Variants in YIPF6 observed in about 807,000 individuals in gnomAD.
The protein encoded by YIPF6 is Yip1 domain family member 6, also known as protein YIPF6.
A neutral mutation model predicts 16.8 loss-of-function variants in YIPF6; 3 were observed. The ratio of observed to expected loss-of-function variants is 0.18; its 90% CI spans 0.08 to 0.46. YIPF6 has a LOEUF of 0.46. Among genes scored for constraint, YIPF6 ranks in the 20% least tolerant of loss-of-function variants. The probability of loss-of-function intolerance (pLI) is 0.98; values close to 1 mark genes in which losing one functional copy is unlikely to be tolerated. For synonymous variants in YIPF6, 67 were observed against 61.9 expected (o/e 1.08, Z -0.38); for missense variants, 145 against 184.9 (o/e 0.78, Z 1.25).
At position 68,510,885 on chromosome X, in the gene YIPF6, G is replaced by A. The variant is rs1602455514; in HGVS notation, c.58-964G>A. The A allele has an allele frequency of 2.7e-5, 3 of 112,454 alleles. 1 individual carries two copies. 9.3% of individuals were successfully genotyped at this position (112,454 alleles called of 1,213,427 possible). A position where few individuals can be genotyped will look rare whatever the true frequency, so the allele number is the denominator to read the frequency against. ...CGACCTCAGGTGATCTGCCCGCCTC[G>A]GCCTCCCAAAGTGCTGGGATTACGG... is the stretch of plus-strand genomic sequence containing the variant. On this transcript the variant is annotated intron_variant, in intron 1 of 6. Transcript: ENST00000462683.
At chrX:68,529,328 C>G (rs1358069025) in intron 6 of YIPF6, among the ~76,000 whole-genome samples, 1 of 109,985 alleles carries the variant, frequency 9.1e-6, no homozygotes, top group Non-Finnish European at 1.9e-5. Flanking sequence ...TGAGCTCCGT[C>G]AGGTCATTTA....
chrX:68,506,996 G>C (rs1265313444), intron 1 of YIPF6, among the ~76,000 whole-genome samples: 3 of 111,386 alleles, frequency 2.7e-5, no homozygotes, highest in African/African-American at 6.5e-5. Flanking sequence ...TATATCTCAG[G>C]GTTCAAATTT....
chrX:68,520,095 G>T lies in YIPF6; in HGVS notation c.309-1277G>T, dbSNP rs1475702088. On this transcript the variant is annotated intron_variant, in intron 4 of 6. Transcript: ENST00000462683. ...CCATGCTGAAGCAACAGGGATTCCA[G>T]ACAACAAGTGATGAGTGCTGGCCAT... Among the ~76,000 whole-genome samples the T allele has an allele frequency of 2.7e-5, 3 of 111,933 alleles. No individual in the cohort carries two copies. In the Admixed American group the frequency reaches 2.9e-4, roughly 11 times the overall value.
intron 1 of YIPF6, among the ~76,000 whole-genome samples, chrX:68,503,452 G>T (rs1482643288): frequency 8.9e-6 from 1 of 111,801 alleles, no homozygotes; most frequent in Non-Finnish European, 1.9e-5. Context: ...TCCCGCTGAG[G>T]GCTAGACAGA....
rs141469881 is a variant in YIPF6 at position 68,535,075 on chromosome X, C to T, written c.*3076C>T. On this transcript the variant is annotated 3_prime_UTR_variant, in exon 7 of 7. Transcript: ENST00000462683. ...GTGCAGTAAAGTCTTAAAAGTCAAC[C>T]GTTAATCATTAAGTCTTTTGCCTCT... The T allele has an allele frequency of 4.0e-4, 45 of 112,363 alleles. No individual in the cohort carries two copies. Among genetic ancestry groups the T allele is most frequent in the African/African-American group, 1.4e-3 (44 of 30,970 alleles). 9.3% of individuals were successfully genotyped at this position (112,363 alleles called of 1,213,427 possible). A position where few individuals can be genotyped will look rare whatever the true frequency, so the allele number is the denominator to read the frequency against.
intron 3 of YIPF6, chrX:68,513,613 A>G: frequency 8.3e-6 from 2 of 240,553 alleles, no homozygotes; most frequent in South Asian, 1.1e-4. Flanking sequence ...TTTGAGACAG[A>G]GTCTCACTCT....
chrX:68,502,764 G>C (rs534208659), intron 1 of YIPF6, among the ~76,000 whole-genome samples: 1 of 110,619 alleles, frequency 9.0e-6, no homozygotes, highest in African/African-American at 3.3e-5. Flanking sequence ...ACAGAATCTT[G>C]GGTAATGCCT....
At chrX:68,520,942 C>G (rs977160296) in intron 4 of YIPF6, among the ~76,000 whole-genome samples, 2 of 110,985 alleles carry the variant, frequency 1.8e-5, no homozygotes, top group Non-Finnish European at 3.8e-5. Context: ...AATGCAGGCT[C>G]AATGTTAGAA....
At chrX:68,516,703 G>A (rs576633664) in intron 3 of YIPF6, among the ~76,000 whole-genome samples, 41 of 112,080 alleles carry the variant, frequency 3.7e-4, no homozygotes, top group African/African-American at 1.1e-3. Context: ...TACATGTGAG[G>A]TTAAAGTTCG....
chrX:68,507,425 G>A (rs2079063926), intron 1 of YIPF6, among the ~76,000 whole-genome samples: 1 of 110,993 alleles, frequency 9.0e-6, no homozygotes, highest in African/African-American at 3.3e-5. Flanking sequence ...TCTGAAAAAC[G>A]TTTTTACTTT....
At chrX:68,526,916 G>T (rs745350410) in intron 6 of YIPF6, among the ~76,000 whole-genome samples, 1 of 112,018 alleles carries the variant, frequency 8.9e-6, no homozygotes, top group Non-Finnish European at 1.9e-5. Flanking sequence ...GTTCATCAAG[G>T]ATATTGGCCT....
At chrX:68,516,882 G>C (rs1436188218) in intron 3 of YIPF6, among the ~76,000 whole-genome samples, 1 of 109,173 alleles carries the variant, frequency 9.2e-6, no homozygotes, top group East Asian at 2.9e-4. Context: ...TGGAGGTTGC[G>C]ATCTTGGCTC....
chrX:68,530,937 AT>A (rs1257078820), intron 6 of YIPF6, among the ~76,000 whole-genome samples: 1 of 110,052 alleles, frequency 9.1e-6, no homozygotes, highest in Non-Finnish European at 1.9e-5. Context: ...ACCTCCTGTT[AT>A]TTTTCTTTAA....
chrX:68,505,853 C>T (rs1340584069), intron 1 of YIPF6, among the ~76,000 whole-genome samples: 9 of 111,756 alleles, frequency 8.1e-5, no homozygotes, highest in Non-Finnish European at 1.9e-5. Flanking sequence ...CCAGATTCCT[C>T]TAATGCTAAC....
intron 1 of YIPF6, among the ~76,000 whole-genome samples, chrX:68,499,670 C>T (rs747236332): frequency 8.9e-6 from 1 of 112,141 alleles, no homozygotes; most frequent in East Asian, 2.8e-4. Context: ...CAAGGTCTCA[C>T]TCTGTCACCC....
rs1459602724 is a variant in YIPF6, at chrX:68,499,153, C to A, written c.57+30C>A. ...GCTTGGGATCTGCGACAAAAGGGAC[C>A]GAGGGTGAGGCAGAGTGCCCCCTAA... On this transcript the variant is annotated intron_variant, in intron 1 of 6. Coordinates refer to ENST00000462683, the MANE Select transcript of YIPF6 (RefSeq NM_173834.4). The A allele has an allele frequency of 1.2e-5, 14 of 1,164,679 alleles. No individual in the cohort carries two copies. The Admixed American group carries it at 3.4e-4, about 29-fold the overall frequency.
intron 1 of YIPF6, among the ~76,000 whole-genome samples, chrX:68,508,896 A>G (rs1217203002): frequency 9.0e-6 from 1 of 111,625 alleles, no homozygotes; most frequent in East Asian, 2.8e-4. Context: ...AACGCTGGAC[A>G]TCATGTACAC....
Position 68,524,550 on chromosome X carries a change from C to A in YIPF6, c.592+1633C>A, listed in dbSNP as rs1404413675. On this transcript the variant is annotated intron_variant, in intron 6 of 6. Coordinates refer to ENST00000462683, the MANE Select transcript of YIPF6 (RefSeq NM_173834.4). ...TTATATTATTATTATACTTTAAGTT[C>A]TGGGATACATGTGCAGAACATGCAG... Among the ~76,000 whole-genome samples the A allele has an allele frequency of 2.8e-5, 3 of 108,281 alleles. No individual in the cohort carries two copies. The East Asian group carries it at 8.7e-4, about 31-fold the overall frequency. The allele number at this position is 108,281 out of a possible 115,157, so 94.0% of individuals were successfully genotyped here.
intron 1 of YIPF6, among the ~76,000 whole-genome samples, chrX:68,504,126 A>G (rs2079051304): frequency 1.8e-5 from 2 of 112,265 alleles, no homozygotes; most frequent in Admixed American, 1.9e-4. Flanking sequence ...CCAAATGTGC[A>G]AAAGAGAGAG....
Sources: gnomAD v4.1 joint callset for allele counts (sites outside exome capture counted in the v4.1 genomes callset) on GRCh38, gnomAD v4.1.1 for gene constraint, MANE v1.5 for transcripts, NCBI Gene and HGNC (gene_info 2026-07-23, HGNC 2026-07-21) for gene names.